ASB15: variants seen among roughly 807,000 people sequenced by gnomAD.
ASB15 encodes the protein ankyrin repeat and SOCS box containing 15.
In ASB15, 54 loss-of-function variants were observed where a neutral mutation model predicts 58.0. That is an observed-to-expected ratio of 0.93 (90% confidence interval 0.75 to 1.17). ASB15 has a LOEUF of 1.17. ASB15 is among the 50% of genes most tolerant of loss of function. ASB15 has a pLI of 0.00. For synonymous variants in ASB15, 249 were observed against 262.4 expected, an observed-to-expected ratio of 0.95 and a Z score of 0.50; for missense variants, 680 against 707.4, an observed-to-expected ratio of 0.96 and a Z score of 0.44.
intron 1 of ASB15, among the ~76,000 whole-genome samples, chr7:123,578,297 T>G (rs896889431): frequency 1.3e-5 from 2 of 151,630 alleles, no homozygotes; most frequent in African/African-American, 4.8e-5. Flanking sequence ...GGTCCCTCTT[T>G]CATTCTCTAT....
intron 1 of ASB15, among the ~76,000 whole-genome samples, chr7:123,581,368 G>T (rs1525637): frequency 0.015 from 2,184 of 149,334 alleles, 49 homozygotes; most frequent in African/African-American, 0.05. Context: ...TGGGCATTGT[G>T]AGAGTGTGGG....
At chr7:123,585,000 C>T (rs1408358687) in intron 1 of ASB15, 2 of 151,554 alleles carry the variant, frequency 1.3e-5, no homozygotes, top group Non-Finnish European at 2.9e-5. Context: ...CTAAGAGTCA[C>T]CTGAAAGAAA....
Sources: gnomAD v4.1 joint callset for allele counts (sites outside exome capture counted in the v4.1 genomes callset) on GRCh38, gnomAD v4.1.1 for gene constraint, MANE v1.5 for transcripts, NCBI Gene and HGNC (gene_info 2026-07-23, HGNC 2026-07-21) for gene names.